Variants in PTK2 observed in about 807,000 individuals in gnomAD.
PTK2 encodes the protein protein tyrosine kinase 2.
PTK2 carries 45 observed loss-of-function variants against 150.1 expected under a neutral mutation model. The ratio of observed to expected loss-of-function variants is 0.30; its 90% CI spans 0.24 to 0.38. The LOEUF (loss-of-function observed/expected upper bound fraction) is 0.38, where lower values mean the gene tolerates loss of function less well. Among genes scored for constraint, PTK2 ranks in the 10% least tolerant of loss-of-function variants. The pLI, the probability that PTK2 is intolerant of heterozygous loss-of-function variation, is 1.00. For missense variants in PTK2, 919 were observed against 1,307.3 expected, an observed-to-expected ratio of 0.70 and a Z score of 4.58; for synonymous variants, 432 against 449.2, an observed-to-expected ratio of 0.96 and a Z score of 0.48.
intron 14 of PTK2, among the ~76,000 whole-genome samples, chr8:140,765,993 C>T (rs1258021436): frequency 6.6e-6 from 1 of 152,156 alleles, no homozygotes; most frequent in African/African-American, 2.4e-5. Context: ...CACACAACAG[C>T]CCTAGCACCC....
intron 1 of PTK2, among the ~76,000 whole-genome samples, chr8:140,947,902 T>A (rs1373209253): frequency 6.6e-6 from 1 of 152,134 alleles, no homozygotes; most frequent in Non-Finnish European, 1.5e-5. Flanking sequence ...AATAATTTTT[T>A]AAAAATCCCA....
chr8:140,959,624 A>G (rs533791341), intron 1 of PTK2, among the ~76,000 whole-genome samples: 2 of 151,964 alleles, frequency 1.3e-5, no homozygotes, highest in South Asian at 4.1e-4. Context: ...ATATACTTAT[A>G]TCTACGTTTT....
chr8:140,669,634 T>C (rs1396922180), intron 29 of PTK2, 93 bp downstream of exon 33: 4 of 1,428,666 alleles, frequency 2.8e-6, no homozygotes, highest in Non-Finnish European at 3.8e-6. Flanking sequence ...GCCCTCCCAC[T>C]TGGGCTTCCT....
intron 14 of PTK2, among the ~76,000 whole-genome samples, chr8:140,782,265 AC>A (rs2100082210): frequency 2.8e-5 from 3 of 107,970 alleles, no homozygotes; most frequent in African/African-American, 1.2e-4. Flanking sequence ...GGGGGGGGGG[AC>A]AGGGTCCTCT....
intron 7 of PTK2, among the ~76,000 whole-genome samples, chr8:140,843,581 A>T (rs952073266): frequency 1.3e-5 from 2 of 152,200 alleles, no homozygotes; most frequent in African/African-American, 4.8e-5. Context: ...TCTGTAACTC[A>T]GCCAGGCCAC....
intron 26 of PTK2, among the ~76,000 whole-genome samples, chr8:140,697,865 T>TTTTTTTG (rs1564601007): frequency 1.5e-5 from 2 of 133,512 alleles, no homozygotes; most frequent in African/African-American, 5.6e-5. Context: ...TTTTTTTTTT[T>TTTTTTTG]TTTTTTTTTT....
intron 1 of PTK2, among the ~76,000 whole-genome samples, chr8:140,986,743 T>C (rs1477738855): frequency 6.6e-6 from 1 of 152,224 alleles, no homozygotes; most frequent in Non-Finnish European, 1.5e-5. Flanking sequence ...ATCTCAAGCC[T>C]TGAATTCGGT....
intron 2 of PTK2, among the ~76,000 whole-genome samples, chr8:140,898,827 G>A (rs954911694): frequency 1.3e-5 from 2 of 152,112 alleles, no homozygotes; most frequent in African/African-American, 4.8e-5. Context: ...AGCTGTAAAG[G>A]GGAGGGAGAG....
chr8:140,969,344 T>G (rs2100186426), intron 1 of PTK2, among the ~76,000 whole-genome samples: 1 of 152,160 alleles, frequency 6.6e-6, no homozygotes, highest in South Asian at 2.1e-4. Context: ...TCACAAAGAC[T>G]TTAAAACAGC....
At chr8:140,838,688 A>ATTTTATTTTT (rs2100120306) in intron 7 of PTK2, among the ~76,000 whole-genome samples, 1 of 152,154 alleles carries the variant, frequency 6.6e-6, no homozygotes, top group Non-Finnish European at 1.5e-5. Flanking sequence ...TTAAAAACAG[A>ATTTTATTTTT]ATTTTATTAT....
chr8:140,717,131 C>G (rs928583777), intron 23 of PTK2, among the ~76,000 whole-genome samples: 6 of 152,172 alleles, frequency 3.9e-5, no homozygotes, highest in African/African-American at 1.4e-4. Context: ...ACCCAGCCAC[C>G]AGCTACGAAA....
At chr8:140,951,788 A>G (rs890415956) in intron 1 of PTK2, among the ~76,000 whole-genome samples, 2 of 152,180 alleles carry the variant, frequency 1.3e-5, no homozygotes, top group Admixed American at 6.5e-5. Context: ...GGAGACTGAA[A>G]TGGGCGCATC....
chr8:140,795,640 C>T (rs2100091099), intron 12 of PTK2, among the ~76,000 whole-genome samples: 1 of 152,166 alleles, frequency 6.6e-6, no homozygotes, highest in East Asian at 1.9e-4. Flanking sequence ...TATGTCCTCA[C>T]CTACATGAAA....
At chr8:140,917,724 T>C (rs2100165854) in intron 2 of PTK2, among the ~76,000 whole-genome samples, 1 of 152,206 alleles carries the variant, frequency 6.6e-6, no homozygotes, top group Non-Finnish European at 1.5e-5. Flanking sequence ...TGTCAACTAT[T>C]TGTCAAGAAG....
chr8:140,702,711 T>C lies in PTK2; in HGVS notation c.2230-4A>G, dbSNP rs1287982275. The C allele has an allele frequency of 6.2e-7, 1 of 1,613,284 alleles. No homozygotes were observed. Among genetic ancestry groups the C allele is most frequent in the East Asian group, 2.2e-5 (1 of 44,884 alleles). The stretch of plus-strand genomic sequence containing the variant: ...GTGAACCAGGGTAGCCAGAAACCTG[T>C]GAATGAGTAAGGAGGCAAGGTAATG... On this transcript the variant is annotated splice_region_variant and splice_polypyrimidine_tract_variant and intron_variant, in intron 24 of 31. Coordinates refer to ENST00000522684, the Ensembl canonical transcript of PTK2.
intron 14 of PTK2, among the ~76,000 whole-genome samples, chr8:140,769,143 T>C (rs2100074125): frequency 6.6e-6 from 1 of 152,224 alleles, no homozygotes; most frequent in Admixed American, 6.5e-5. Context: ...CTAATTCCGT[T>C]AGTTTCTGTG....
At chr8:140,960,790 G>A (rs984281917) in intron 1 of PTK2, among the ~76,000 whole-genome samples, 3 of 152,076 alleles carry the variant, frequency 2.0e-5, no homozygotes, top group East Asian at 3.9e-4. Context: ...AGACCAACCC[G>A]ACCAACATGG....
intron 3 of PTK2, among the ~76,000 whole-genome samples, chr8:140,885,850 G>A (rs766666331): frequency 5.3e-5 from 8 of 152,132 alleles, no homozygotes; most frequent in African/African-American, 1.2e-4. Flanking sequence ...CTCAAAGGAC[G>A]TGCATGTTGA....
At chr8:140,785,024 C>T (rs1476924085) in intron 14 of PTK2, among the ~76,000 whole-genome samples, 1 of 152,194 alleles carries the variant, frequency 6.6e-6, no homozygotes, top group Non-Finnish European at 1.5e-5. Context: ...CAAAGAGCGA[C>T]AAACTGTCCT....
Sources: allele counts gnomAD v4.1 joint callset (sites outside exome capture counted in the v4.1 genomes callset), GRCh38; gene constraint gnomAD v4.1.1; transcripts MANE v1.5; gene names NCBI Gene and HGNC (gene_info 2026-07-23, HGNC 2026-07-21).